The following COQ8A variants were observed in gnomAD, a reference collection of about 807,000 sequenced individuals.
COQ8A encodes the protein atypical kinase COQ8A, mitochondrial.
COQ8A carries 51 observed loss-of-function variants against 65.0 expected under a neutral mutation model. The ratio of observed to expected loss-of-function variants is 0.78; its 90% confidence interval spans 0.63 to 0.99. The LOEUF is 0.99. Among genes scored for constraint, COQ8A ranks in the 50% least tolerant of loss-of-function variants. The probability of loss-of-function intolerance (pLI) is 0.00; values close to 1 mark genes in which losing one functional copy is unlikely to be tolerated. For synonymous variants in COQ8A, 371 were observed against 353.2 expected (o/e 1.05, Z -0.57); for missense variants, 940 against 875.0 (o/e 1.07, Z -0.94).
intron 4 of COQ8A, 120 bp downstream of exon 4, chr1:226,965,857 G>A (rs1468723025): frequency 4.7e-6 from 5 of 1,072,734 alleles, no homozygotes; most frequent in African/African-American, 1.6e-5. Flanking sequence ...AGCAGGTGGC[G>A]GTGGCCGCCC....
In COQ8A at chr1:226,946,589, C is replaced by T. The variant is rs1444438834; in HGVS notation, c.-10+6190C>T. ...TGTGGTCCCCTTGCACCCTGCTGAG[C>T]CTCTTCTCATTTCTCGTTGCGTGTG... On this transcript the variant is annotated intron_variant, in intron 1 of 14. Transcript: ENST00000366777. This position sits in a 1 kb window ranked among gnomAD's most constrained non-coding sequence, Gnocchi z 5.3. 6.6e-6 allele frequency among the ~76,000 whole-genome samples: 1 copy of T among 152,130 alleles called. No homozygotes were observed. Among genetic ancestry groups the T allele is most frequent in the South Asian group, 2.1e-4 (1 of 4,830 alleles).
intron 13 of COQ8A, 147 bp downstream of exon 13, chr1:226,985,088 C>T: frequency 7.7e-7 from 1 of 1,302,646 alleles, no homozygotes; most frequent in Non-Finnish European, 1.1e-6. Context: ...TGACAGCAGG[C>T]AGTTAGGCTG....
intron 1 of COQ8A, among the ~76,000 whole-genome samples, chr1:226,955,023 G>GT: frequency 6.6e-6 from 1 of 152,148 alleles, no homozygotes; most frequent in Non-Finnish European, 1.5e-5. Flanking sequence ...AGCCTCTCTG[G>GT]TTCCAGGAGT....
intron 1 of COQ8A, among the ~76,000 whole-genome samples, chr1:226,960,962 G>A (rs1658213322): frequency 6.6e-6 from 1 of 152,136 alleles, no homozygotes; most frequent in African/African-American, 2.4e-5. Context: ...TTGGGAATTG[G>A]ATGCTCCTCT....
chr1:226,943,135 G>T (rs1279770249), intron 1 of COQ8A, among the ~76,000 whole-genome samples: 1 of 152,198 alleles, frequency 6.6e-6, no homozygotes, highest in Non-Finnish European at 1.5e-5. Flanking sequence ...AGGAAGGAAG[G>T]TCACTTCTCC....
At chr1:226,961,707 T>G (rs1343150743) in intron 2 of COQ8A, 145 bp downstream of exon 2, 1 of 1,030,332 alleles carries the variant, frequency 9.7e-7, no homozygotes, top group Non-Finnish European at 1.4e-6. Context: ...CCCACGGTCC[T>G]TCCAGGGTGG....
At chr1:226,985,164 G>A in intron 13 of COQ8A, 90 bp from the exon 14 acceptor site, 1 of 1,408,920 alleles carries the variant, frequency 7.1e-7, no homozygotes, top group Non-Finnish European at 1.0e-6. Flanking sequence ...ATGAGGGTGG[G>A]GTGGGCTCGG....
At chr1:226,986,396 G>T in intron 14 of COQ8A, 57 bp from the exon 15 acceptor site, 1 of 1,592,784 alleles carries the variant, frequency 6.3e-7, no homozygotes, top group East Asian at 2.2e-5. Context: ...GGAGGAACCC[G>T]GGCTGGTGGA....
At chr1:226,952,112 C>T (rs1657423114) in intron 1 of COQ8A, among the ~76,000 whole-genome samples, 1 of 152,320 alleles carries the variant, frequency 6.6e-6, no homozygotes, top group South Asian at 2.1e-4. Flanking sequence ...GGCAGGCAGA[C>T]CCGCTGCTTG....
chr1:226,985,179 G>A, intron 13 of COQ8A, 75 bp from the exon 14 acceptor site: 2 of 1,517,466 alleles, frequency 1.3e-6, no homozygotes, highest in South Asian at 1.1e-5. Context: ...GCTCGGGTGT[G>A]GCACTTGGCT....
rs115293838 is a variant in COQ8A at position 226,970,425 on chromosome 1, T to C, written c.655+4688T>C. ...TAGGCTACAAACCTTTACAACATGT[T>C]ACTGTACTGAATACAGTAGATAACT... On this transcript the variant is annotated intron_variant, in intron 4 of 14. Transcript: ENST00000366777. Among the ~76,000 whole-genome samples the C allele has an allele frequency of 6.0e-3, 913 of 152,380 alleles. 4 individuals are homozygous for C. The highest frequency in any genetic ancestry group is 0.014 in the African/African-American group (578 of 41,590).
Position 226,984,083 on chromosome 1 carries a change from C to A in COQ8A, c.1257-11C>A. The A allele has an allele frequency of 1.2e-6, 2 of 1,613,166 alleles. No individual in the cohort carries two copies. Among genetic ancestry groups the A allele is most frequent in the Non-Finnish European group, 1.7e-6 (2 of 1,179,922 alleles). ...CCTGTGGCTAGGGCGTGACCTCCCT[C>A]CCCTACCCAGGGACCTGCTGAAGGG... On this transcript the variant is annotated splice_polypyrimidine_tract_variant and intron_variant, in intron 10 of 14. Transcript: ENST00000366777.
rs757516723 is a variant in COQ8A at position 226,960,203 on chromosome 1, TTGG to T, written c.-9-1156_-9-1154del. ...GTGATGGTACTTGTGGTGGTGGTAC[TTGG>T]TGGTGGTGGTGGTGGTGATGGTACT... is the stretch of plus-strand genomic sequence containing the variant. On this transcript the variant is annotated intron_variant, in intron 1 of 14. Transcript: ENST00000366777. Among the ~76,000 whole-genome samples, 1,038 of 141,814 alleles carry T rather than the reference TTGG, an allele frequency of 7.3e-3. 24 individuals carry two copies. The highest frequency in any genetic ancestry group is 0.03 in the Admixed American group (421 of 13,888). The allele number at this position is 141,814 out of a possible 152,430, so 93.0% of individuals were successfully genotyped here. A position where few individuals can be genotyped will look rare whatever the true frequency, so the allele number is the denominator to read the frequency against.
At chr1:226,973,948 G>A (rs988472693) in intron 4 of COQ8A, among the ~76,000 whole-genome samples, 5 of 152,230 alleles carry the variant, frequency 3.3e-5, no homozygotes, top group Non-Finnish European at 5.9e-5. Context: ...CCTAGTTTCT[G>A]GCAGGTAAAG....
Position 226,984,862 on chromosome 1 carries a change from G to C in COQ8A, c.1507-14G>C, listed in dbSNP as rs763615339. On this transcript the variant is annotated splice_polypyrimidine_tract_variant and intron_variant, in intron 12 of 14. Coordinates refer to ENST00000366777, the MANE Select transcript of COQ8A (RefSeq NM_020247.5). ...GCACCAGGGCCAAACTTCTCCTGGT[G>C]TCTCTGTCCCCAGGTGGCTCTTTTG... is the stretch of plus-strand genomic sequence containing the variant. The C allele has an allele frequency of 1.2e-6, 2 of 1,614,126 alleles. No individual in the cohort carries two copies. The highest frequency in any genetic ancestry group is 2.2e-5 in the South Asian group (2 of 91,084).
At chr1:226,982,219 G>A in intron 6 of COQ8A, 70 bp downstream of exon 6, 1 of 1,531,320 alleles carries the variant, frequency 6.5e-7, no homozygotes, top group Non-Finnish European at 8.8e-7. Context: ...CCAGGGCCGG[G>A]AGCAGTGGCC....
rs767406263 is a variant in COQ8A at position 226,982,967 on chromosome 1, C to T, written c.1013C>T (p.Ala338Val). Residue 338 changes from alanine (A) to valine (V), a missense_variant, in exon 8 of 15, where the codon GCC becomes GTC. Transcript: ENST00000366777. ...TACTTCGAGGAGCGGCCCTTCGCCG[C>T]CGCATCCATTGGGCAGGTGCACTTG... ...LEYFEERPFA[A>V]ASIGQVHLAR... 6.2e-7 allele frequency: 1 copy of T among 1,604,966 alleles called. No homozygotes were observed. Among genetic ancestry groups the T allele is most frequent in the Non-Finnish European group, 8.5e-7 (1 of 1,176,354 alleles).
Position 226,979,900 on chromosome 1 carries a change from C to A in COQ8A, c.731-2127C>A, listed in dbSNP as rs574029820. Reference sequence around the variant, plus strand: ...AGAAGCCAGCCTTCCCCTACTGTCCCCTACTGTCCTCTCCAAAGCTGGCTG... The same window carrying A: ...AGAAGCCAGCCTTCCCCTACTGTCCACTACTGTCCTCTCCAAAGCTGGCTG... On this transcript the variant is annotated intron_variant, in intron 5 of 14. Transcript: ENST00000366777. 5.3e-5 allele frequency among the ~76,000 whole-genome samples: 8 copies of A among 152,350 alleles called. No homozygotes were observed. In the South Asian group the frequency reaches 1.7e-3, roughly 32 times the overall value.
At chr1:226,954,700 A>T (rs1368541414) in intron 1 of COQ8A, among the ~76,000 whole-genome samples, 1 of 152,206 alleles carries the variant, frequency 6.6e-6, no homozygotes, top group Non-Finnish European at 1.5e-5. Flanking sequence ...GGACCAGCTG[A>T]GTTCATTTCC....
Sources: gnomAD v4.1 joint callset for allele counts (sites outside exome capture counted in the v4.1 genomes callset) on GRCh38, gnomAD v4.1.1 for gene constraint, Gnocchi (gnomAD v3.1) non-coding constraint, MANE v1.5 for transcripts, NCBI Gene and HGNC (gene_info 2026-07-23, HGNC 2026-07-21) for gene names.